Variants in DNAH17 observed in about 807,000 individuals in gnomAD.
DNAH17 encodes the protein dynein axonemal heavy chain 17, also known as axonemal beta dynein heavy chain 17.
DNAH17 carries 376 observed loss-of-function variants against 485.6 expected under a neutral mutation model. That is an observed-to-expected ratio of 0.77 (90% CI 0.71 to 0.84). The LOEUF is 0.84. DNAH17 is among the 40% of genes least tolerant of loss of function. The pLI is 0.00. For missense variants in DNAH17, 6,370 were observed against 5,839.3 expected (o/e 1.09, Z -2.96); for synonymous variants, 3,031 against 2,405.9 (o/e 1.26, Z -7.60).
Position 78,529,455 on chromosome 17 carries a change from A to G in DNAH17, c.3507+17T>C. The G allele has an allele frequency of 6.2e-7, 1 of 1,612,466 alleles. No homozygotes were observed. Among genetic ancestry groups the G allele is most frequent in the Non-Finnish European group, 8.5e-7 (1 of 1,178,738 alleles). The stretch of plus-strand genomic sequence containing the variant: ...TCCCTGCTCACCTGGACGCAGCCAC[A>G]CCCACCCACCACGTACCTGCAGCTT... On this transcript the variant is annotated intron_variant, in intron 22 of 80. Transcript: ENST00000389840.
chr17:78,507,540 C>T lies in DNAH17; in HGVS notation c.4502G>A (p.Ser1501Asn), dbSNP rs1045508516. The T allele has an allele frequency of 1.6e-5, 26 of 1,613,922 alleles. No homozygotes were observed. The highest frequency in any genetic ancestry group is 2.2e-5 in the Non-Finnish European group (26 of 1,179,910). Reference sequence around the variant, plus strand: ...GATGTCTTCGGAGCCGATGAAGATGCTCTCCAGGTGGCTCCAGGTTCGCTG... The same window carrying T: ...GATGTCTTCGGAGCCGATGAAGATGTTCTCCAGGTGGCTCCAGGTTCGCTG... ...EVQRTWSHLE[S>N]IFIGSEDIRT... Residue 1501 changes from serine (S) to asparagine (N), a missense_variant, in exon 28 of 81, where the codon AGC becomes AAC. Physicochemically the swap from Ser to Asn is conservative, Grantham distance 46. Transcript: ENST00000389840.
rs778340955 is a variant in DNAH17, at chr17:78,494,122, C to T, written c.6322G>A (p.Val2108Met). 1.4e-5 allele frequency: 22 copies of T among 1,612,706 alleles called. No homozygotes were observed. The highest frequency in any genetic ancestry group is 1.6e-4 in the Middle Eastern group (1 of 6,084). ...ELKLQAEDSF[V>M]LKVVQLEELL... Reference sequence around the variant, plus strand: ...TCCTCCAGCTGCACCACCTTCAGCACGAAGCTGTCCTCCGCCTGCAGCTTG... The same window carrying T: ...TCCTCCAGCTGCACCACCTTCAGCATGAAGCTGTCCTCCGCCTGCAGCTTG... Residue 2108 changes from valine (V) to methionine (M), a missense_variant, in exon 41 of 81, where the codon GTG (valine) becomes ATG (methionine). Val to Met is a conservative substitution (Grantham distance 21). Transcript: ENST00000389840.
At chr17:78,451,402 ACAGTGACCTGGCCCCCT>A (rs2087546226) in intron 66 of DNAH17, 50 bp downstream of exon 66, 1 of 1,470,290 alleles carries the variant, frequency 6.8e-7, no homozygotes, top group Non-Finnish European at 9.2e-7. Flanking sequence ...GGGGACCCTC[ACAGTGACCTGGCCCCCT>A]CTGTGTGGGA....
intron 13 of DNAH17, among the ~76,000 whole-genome samples, chr17:78,560,534 A>G (rs16971539): frequency 0.26 from 38,989 of 151,936 alleles, 5,339 homozygotes; most frequent in East Asian, 0.53. Flanking sequence ...GAACGCTTTC[A>G]AGAAGATACT....
At chr17:78,464,056 A>G (rs2088286889) in intron 56 of DNAH17, among the ~76,000 whole-genome samples, 1 of 152,170 alleles carries the variant, frequency 6.6e-6, no homozygotes, top group South Asian at 2.1e-4. Flanking sequence ...AAAAACTAGG[A>G]AAAAGAGAAG....
At chr17:78,517,364 C>A (rs1164469212) in intron 25 of DNAH17, among the ~76,000 whole-genome samples, 2 of 152,104 alleles carry the variant, frequency 1.3e-5, no homozygotes, top group Non-Finnish European at 2.9e-5. Flanking sequence ...AAAGTTCATT[C>A]AAAAAAGTAA....
chr17:78,431,131 G>A (rs762988032), intron 75 of DNAH17, among the ~76,000 whole-genome samples: 33 of 151,996 alleles, frequency 2.2e-4, no homozygotes, highest in South Asian at 8.3e-4. Context: ...CTCCTGCCTC[G>A]GCCTCCCACA....
At chr17:78,470,331 G>C (rs1006606766) in intron 54 of DNAH17, among the ~76,000 whole-genome samples, 9 of 150,246 alleles carry the variant, frequency 6.0e-5, no homozygotes, top group African/African-American at 2.2e-4. Flanking sequence ...GCCTCCCAAA[G>C]TGCTGGGATA....
At chr17:78,544,982 C>A (rs752143071) in intron 16 of DNAH17, among the ~76,000 whole-genome samples, 32 of 151,968 alleles carry the variant, frequency 2.1e-4, no homozygotes, top group Non-Finnish European at 4.1e-4. Context: ...GCCATATCTC[C>A]CTATCCTCCA....
intron 72 of DNAH17, among the ~76,000 whole-genome samples, chr17:78,440,048 C>A (rs1225831037): frequency 5.9e-5 from 9 of 151,664 alleles, no homozygotes; most frequent in African/African-American, 2.2e-4. Context: ...ATCCTTCTGC[C>A]TTGGCCTCCA....
At chr17:78,559,752 G>T (rs1267512206) in intron 13 of DNAH17, among the ~76,000 whole-genome samples, 2 of 152,116 alleles carry the variant, frequency 1.3e-5, no homozygotes, top group African/African-American at 4.8e-5. Flanking sequence ...GTCCCTCTGT[G>T]GTCCATGGGG....
intron 19 of DNAH17, among the ~76,000 whole-genome samples, chr17:78,533,361 C>T (rs2143334833): frequency 6.6e-6 from 1 of 152,238 alleles, no homozygotes; most frequent in Non-Finnish European, 1.5e-5. Flanking sequence ...GAGGAAATGG[C>T]CATTGGTCTG....
chr17:78,526,840 G>A, intron 23 of DNAH17, 40 bp downstream of exon 23: 3 of 1,556,856 alleles, frequency 1.9e-6, no homozygotes, highest in Non-Finnish European at 2.6e-6. Flanking sequence ...GCCCCACGCT[G>A]CTCCCCGGAA....
At chr17:78,428,469 C>G (rs1309589837) in intron 77 of DNAH17, 56 bp downstream of exon 77, 1 of 1,548,052 alleles carries the variant, frequency 6.5e-7, no homozygotes, top group Admixed American at 2.0e-5. Context: ...TGACCCCCTC[C>G]TCAGTTCTAG....
chr17:78,548,886 C>T lies in DNAH17; in HGVS notation c.2391+2649G>A, dbSNP rs748454917. ...CCAGTGTTCTCCCCGGCTCTGCTTC[C>T]GCACCTAAGTGCAGAGCATGCTGGT... On this transcript the variant is annotated intron_variant, in intron 16 of 80. Coordinates refer to ENST00000389840, the MANE Select transcript of DNAH17 (RefSeq NM_173628.4). Among the ~76,000 whole-genome samples the T allele has an allele frequency of 5.9e-5, 9 of 152,364 alleles. No homozygotes were observed. The East Asian group carries it at 7.7e-4, about 13-fold the overall frequency.
chr17:78,501,939 T>C lies in DNAH17; in HGVS notation c.5191-66A>G. On this transcript the variant is annotated intron_variant, in intron 33 of 80. Coordinates refer to ENST00000389840, the MANE Select transcript of DNAH17 (RefSeq NM_173628.4). ...CACATGCACTGGGGGGTCTTGTGGC[T>C]GGGTGCCCACAGCTGCATAGGGAAC... 4 of 1,600,828 alleles carry C rather than the reference T, an allele frequency of 2.5e-6. No homozygotes were observed. In the East Asian group the frequency reaches 9.0e-5, roughly 36 times the overall value.
rs1202268277 is a variant in DNAH17, at chr17:78,492,565, C to T, written c.6541+68G>A. 6.9e-6 allele frequency: 11 copies of T among 1,585,838 alleles called. No homozygotes were observed. The South Asian group carries it at 1.2e-4, about 18-fold the overall frequency. ...AGGCTGGCCTTCCACGTGGGAACGGCTGAGCACACGCTCACTGCACTGGAC... is the reference window on the plus strand; with the variant it reads ...AGGCTGGCCTTCCACGTGGGAACGGTTGAGCACACGCTCACTGCACTGGAC... On this transcript the variant is annotated intron_variant, in intron 42 of 80. Coordinates refer to ENST00000389840, the MANE Select transcript of DNAH17 (RefSeq NM_173628.4).
rs767567733 is a variant in DNAH17 at position 78,468,766 on chromosome 17, C to A, written c.8629G>T (p.Ala2877Ser). 1.2e-6 allele frequency: 2 copies of A among 1,614,042 alleles called. No individual in the cohort carries two copies. The highest frequency in any genetic ancestry group is 2.2e-5 in the South Asian group (2 of 91,080). Residue 2877 changes from alanine (A) to serine (S), a missense_variant, in exon 55 of 81, where the codon GCC becomes TCC. Ala to Ser is a moderately conservative substitution (Grantham distance 99). Transcript: ENST00000389840. The part of the protein sequence containing the change: ...QFLVLINDLL[A>S]SGEIPGLFME... ...AACAGCCCAGGGATCTCTCCTGAGG[C>A]CAGCAGGTCATTGATCAGCACCAGA...
At chr17:78,499,854 C>G (rs1465547575) in intron 36 of DNAH17, 1 of 154,798 alleles carries the variant, frequency 6.5e-6, no homozygotes, top group Non-Finnish European at 1.4e-5. Context: ...CGAGGTATCC[C>G]CTTCCCCTCC....
Sources: allele counts gnomAD v4.1 joint callset (sites outside exome capture counted in the v4.1 genomes callset), GRCh38; gene constraint gnomAD v4.1.1; transcripts MANE v1.5; gene names NCBI Gene and HGNC (gene_info 2026-07-23, HGNC 2026-07-21).